The following SLC12A7 variants were observed in gnomAD, a reference collection of about 807,000 sequenced individuals.
SLC12A7 encodes K-Cl cotransporter 4.
SLC12A7 carries 100 observed loss-of-function variants against 120.6 expected under a neutral mutation model. The observed-to-expected ratio is 0.83, with a 90% CI of 0.71 to 0.98. The LOEUF (loss-of-function observed/expected upper bound fraction) is 0.98. Among genes scored for constraint, SLC12A7 ranks in the 50% least tolerant of loss-of-function variants. The pLI is 0.00. For missense variants in SLC12A7, 1,373 were observed against 1,548.1 expected (o/e 0.89, Z 1.90); for synonymous variants, 760 against 678.0 (o/e 1.12, Z -1.88).
intron 17 of SLC12A7, among the ~76,000 whole-genome samples, chr5:1,065,692 CAGGTGTG>C (rs1736979931): frequency 6.6e-6 from 1 of 152,124 alleles, no homozygotes; most frequent in African/African-American, 2.4e-5. Context: ...AGACACAGAG[CAGGTGTG>C]ACTGATGCCA....
the SLC12A7 span, among the ~76,000 whole-genome samples, chr5:1,121,103 T>C: frequency 6.6e-6 from 1 of 152,156 alleles, no homozygotes; most frequent in Admixed American, 6.5e-5. Flanking sequence ...CCGCCACCGT[T>C]CCCCAAGCTG....
At chr5:1,068,607 T>TGCA (rs965254567) in intron 17 of SLC12A7, among the ~76,000 whole-genome samples, 13 of 152,304 alleles carry the variant, frequency 8.5e-5, no homozygotes, top group African/African-American at 3.1e-4. Flanking sequence ...TCGCAACCAA[T>TGCA]GCAGCTAAGT....
the SLC12A7 span, among the ~76,000 whole-genome samples, chr5:1,125,869 G>A: frequency 6.7e-6 from 1 of 148,460 alleles, no homozygotes; most frequent in East Asian, 2.0e-4. Flanking sequence ...AAGTTGCAGG[G>A]AGCTGAGATC....
Position 1,079,596 on chromosome 5 carries a change from C to A in SLC12A7, c.1298-100G>T, listed in dbSNP as rs933231408. On this transcript the variant is annotated intron_variant, in intron 9 of 23. Transcript: ENST00000264930. ...GCTGGAAAGGCGGTCTCTGGGGAGA[C>A]CCCGAGCGTGAGCTGCAGCCGAGGC... 5 of 947,384 alleles carry A rather than the reference C, an allele frequency of 5.3e-6. No individual in the cohort carries two copies. The African/African-American group carries it at 8.1e-5, about 15-fold the overall frequency. 58.7% of individuals were successfully genotyped at this position (947,384 alleles called of 1,614,324 possible). A position where few individuals can be genotyped will look rare whatever the true frequency, so the allele number is the denominator to read the frequency against.
the SLC12A7 span, among the ~76,000 whole-genome samples, chr5:1,142,816 C>G: frequency 5.3e-5 from 8 of 151,772 alleles, no homozygotes; most frequent in African/African-American, 1.7e-4. Flanking sequence ...ACACCCCTCC[C>G]CTCCAATCCC....
the SLC12A7 span, among the ~76,000 whole-genome samples, chr5:1,125,774 A>G: frequency 6.6e-6 from 1 of 151,888 alleles, no homozygotes; most frequent in African/African-American, 2.4e-5. Flanking sequence ...AATATACACA[A>G]ATTAGCCAGG....
chr5:1,121,141 C>G, the SLC12A7 span, among the ~76,000 whole-genome samples: 2 of 152,252 alleles, frequency 1.3e-5, no homozygotes, highest in African/African-American at 4.8e-5. Flanking sequence ...CATCCCTCAT[C>G]TTGCAGGCAG....
At chr5:1,059,233 C>A (rs1371894781) in intron 21 of SLC12A7, among the ~76,000 whole-genome samples, 5 of 152,234 alleles carry the variant, frequency 3.3e-5, no homozygotes, top group Admixed American at 6.5e-5. Flanking sequence ...TCTGTGCCCA[C>A]CCTGACCTGC....
At chr5:1,110,350 C>T (rs1014838075) in intron 1 of SLC12A7, among the ~76,000 whole-genome samples, 4 of 152,230 alleles carry the variant, frequency 2.6e-5, no homozygotes, top group Non-Finnish European at 5.9e-5. Flanking sequence ...CTGACACGCC[C>T]GTAGCAGGAC....
At chr5:1,068,836 A>AC (rs1366809852) in intron 17 of SLC12A7, among the ~76,000 whole-genome samples, 2 of 152,234 alleles carry the variant, frequency 1.3e-5, no homozygotes, top group African/African-American at 2.4e-5. Context: ...GGGTCCCGTC[A>AC]TCCCCCAGTC....
chr5:1,099,380 C>T (rs943101713), intron 1 of SLC12A7, among the ~76,000 whole-genome samples: 11 of 151,378 alleles, frequency 7.3e-5, no homozygotes, highest in South Asian at 2.1e-4. Flanking sequence ...CCACCTCCTC[C>T]GGGGGACAGC....
Position 1,083,756 on chromosome 5 carries a change from C to T in SLC12A7, c.1118G>A (p.Gly373Asp), listed in dbSNP as rs371755595. Residue 373 changes from glycine to aspartate, a missense_variant, in exon 8 of 24, where the codon GGT becomes GAT. Physicochemically the swap from Gly to Asp is moderately conservative, Grantham distance 94 (BLOSUM62 -1). Coordinates refer to ENST00000264930, the MANE Select transcript of SLC12A7 (RefSeq NM_006598.3). Reference sequence around the variant, plus strand: ...CCTGTGAGCCTCACCCAGGAAGACACCACTGGCCGCGCCCGGGATGCCCTG... The same window carrying T: ...CCTGTGAGCCTCACCCAGGAAGACATCACTGGCCGCGCCCGGGATGCCCTG... ...EIQGIPGAAS[G>D]VFLENLWSTY... The T allele has an allele frequency of 1.2e-6, 2 of 1,612,350 alleles. No individual in the cohort carries two copies. The highest frequency in any genetic ancestry group is 2.7e-5 in the African/African-American group (2 of 74,946).
At chr5:1,096,906 AAGGGAGGGAAGGAAGGAGGGAGGGAGGG>A (rs1741316364) in intron 1 of SLC12A7, among the ~76,000 whole-genome samples, 1 of 108,556 alleles carries the variant, frequency 9.2e-6, no homozygotes, top group African/African-American at 3.9e-5. Flanking sequence ...GGGAGGGAGG[AAGGGAGGGAAGGAAGGAGGGAGGGAGGG>A]AGAGACCCGA....
intron 3 of SLC12A7, among the ~76,000 whole-genome samples, chr5:1,091,880 C>T (rs894678952): frequency 6.6e-6 from 1 of 152,230 alleles, no homozygotes; most frequent in Non-Finnish European, 1.5e-5. Context: ...CGTCCACGTG[C>T]AGCAGTGATG....
chr5:1,069,299 C>T (rs1234959343), intron 17 of SLC12A7, among the ~76,000 whole-genome samples: 1 of 152,236 alleles, frequency 6.6e-6, no homozygotes, highest in African/African-American at 2.4e-5. Flanking sequence ...CTACCATCCA[C>T]GTGCCCACAG....
intron 1 of SLC12A7, among the ~76,000 whole-genome samples, chr5:1,104,347 C>T (rs1276289248): frequency 6.6e-6 from 1 of 152,326 alleles, no homozygotes; most frequent in Non-Finnish European, 1.5e-5. Flanking sequence ...AACCTCCTCC[C>T]GGCTGCACGT....
At chr5:1,099,962 C>G (rs1359434735) in intron 1 of SLC12A7, among the ~76,000 whole-genome samples, 2 of 152,158 alleles carry the variant, frequency 1.3e-5, no homozygotes, top group African/African-American at 4.8e-5. Context: ...ATGACCGTTA[C>G]TGTTATCACT....
At chr5:1,144,232 G>T in the SLC12A7 span, among the ~76,000 whole-genome samples, 1 of 152,166 alleles carries the variant, frequency 6.6e-6, no homozygotes, top group Admixed American at 6.5e-5. Context: ...GCAGCGCCGG[G>T]TGGCGGGAGA....
chr5:1,107,180 T>C (rs1254086776), intron 1 of SLC12A7, among the ~76,000 whole-genome samples: 3 of 152,240 alleles, frequency 2.0e-5, no homozygotes, highest in African/African-American at 7.2e-5. Flanking sequence ...TCTCTGAATA[T>C]TCAAGTTCTC....
Sources: gnomAD v4.1 joint callset for allele counts (sites outside exome capture counted in the v4.1 genomes callset) on GRCh38, gnomAD v4.1.1 for gene constraint, MANE v1.5 for transcripts, NCBI Gene and HGNC (gene_info 2026-07-23, HGNC 2026-07-21) for gene names.